AGBL1: variants seen among roughly 807,000 people sequenced by gnomAD.
AGBL1 encodes the protein AGBL carboxypeptidase 1.
A neutral mutation model predicts 118.9 loss-of-function variants in AGBL1; 130 were observed. The observed-to-expected ratio is 1.09, with a 90% CI of 0.95 to 1.26. The LOEUF (loss-of-function observed/expected upper bound fraction) is 1.26, where lower values mean the gene tolerates loss of function less well. Ranked by LOEUF, AGBL1 falls within the 50% of genes most tolerant of loss-of-function variation. The pLI is 0.00. For missense variants in AGBL1, 1,584 were observed against 1,298.1 expected (o/e 1.22, Z -3.38); for synonymous variants, 555 against 478.9 (o/e 1.16, Z -2.08).
chr15:86,712,110 A>AT (rs747155775), intron 22 of AGBL1, among the ~76,000 whole-genome samples: 2 of 152,144 alleles, frequency 1.3e-5, no homozygotes, highest in African/African-American at 4.8e-5. Flanking sequence ...ATAGCCTTTG[A>AT]TTTTTATACT....
At chr15:86,804,478 C>CA (rs574681363) in intron 22 of AGBL1, among the ~76,000 whole-genome samples, 12 of 152,060 alleles carry the variant, frequency 7.9e-5, no homozygotes, top group Middle Eastern at 3.4e-3. Flanking sequence ...AGAAACACAA[C>CA]AAAAAAACCC....
rs559325674 is a variant in AGBL1, at chr15:86,090,302, G to A, written c.51+10279G>A. ...ATATTTTTCTGTAAAGGTAATACCT[G>A]TTCACTATTTGTAAAAAAATTTAAT... On this transcript the variant is annotated intron_variant, in intron 1 of 22. Coordinates refer to ENST00000614907, the MANE Select transcript of AGBL1 (RefSeq NM_001386094.1). 5.3e-4 allele frequency among the ~76,000 whole-genome samples: 80 copies of A among 152,140 alleles called. 1 individual carries two copies. The South Asian group carries it at 5.6e-3, about 11-fold the overall frequency.
downstream of AGBL1, among the ~76,000 whole-genome samples, chr15:87,030,821 T>C (rs1399533940): frequency 6.6e-6 from 1 of 151,938 alleles, no homozygotes; most frequent in East Asian, 1.9e-4. Context: ...TTCCCAATTA[T>C]CAGTGTATTT....
At chr15:86,606,005 T>C (rs1366303394) in intron 21 of AGBL1, among the ~76,000 whole-genome samples, 1 of 151,070 alleles carries the variant, frequency 6.6e-6, no homozygotes, top group Non-Finnish European at 1.5e-5. Flanking sequence ...CAGGCACCTG[T>C]AATCCCAGCT....
chr15:86,484,131 G>C (rs556595950), intron 18 of AGBL1, among the ~76,000 whole-genome samples: 1 of 152,218 alleles, frequency 6.6e-6, no homozygotes, highest in African/African-American at 2.4e-5. Context: ...GCAACATCTG[G>C]CTTGAGCAGC....
chr15:86,146,524 C>T (rs956822493), intron 3 of AGBL1, among the ~76,000 whole-genome samples: 1 of 152,168 alleles, frequency 6.6e-6, no homozygotes, highest in African/African-American at 2.4e-5. Context: ...GAGGATTAAA[C>T]AAAGTATTGC....
chr15:86,262,188 T>C (rs1327646483), intron 9 of AGBL1, among the ~76,000 whole-genome samples: 1 of 149,788 alleles, frequency 6.7e-6, no homozygotes, highest in Non-Finnish European at 1.5e-5. Context: ...CTTAGTAACA[T>C]CATTCTCTTT....
At chr15:86,583,017 TAA>T (rs536768518) in intron 21 of AGBL1, among the ~76,000 whole-genome samples, 1 of 150,926 alleles carries the variant, frequency 6.6e-6, no homozygotes, top group Non-Finnish European at 1.5e-5. Flanking sequence ...ATAATAACAA[TAA>T]AAAAAAGTTA....
chr15:86,892,430 C>A (rs957613226), intron 22 of AGBL1, among the ~76,000 whole-genome samples: 2 of 152,224 alleles, frequency 1.3e-5, no homozygotes, highest in African/African-American at 2.4e-5. Flanking sequence ...GCAGAGTAGA[C>A]CTTATCTATA....
chr15:86,403,321 C>T (rs531361975), intron 18 of AGBL1, among the ~76,000 whole-genome samples: 1 of 152,184 alleles, frequency 6.6e-6, no homozygotes, highest in African/African-American at 2.4e-5. Flanking sequence ...ACTCTAAAAA[C>T]TTGATTATCT....
intron 23 of AGBL1, among the ~76,000 whole-genome samples, chr15:86,945,016 GTAAA>G (rs1490390779): frequency 6.6e-6 from 1 of 152,060 alleles, no homozygotes; most frequent in Non-Finnish European, 1.5e-5. Flanking sequence ...CAATGTCACA[GTAAA>G]TAAATTATAG....
At chr15:86,893,576 G>T (rs535399297) in intron 22 of AGBL1, among the ~76,000 whole-genome samples, 4 of 152,226 alleles carry the variant, frequency 2.6e-5, no homozygotes, top group African/African-American at 7.2e-5. Context: ...ACATCATAAA[G>T]TTGCAAATTG....
chr15:86,692,134 C>T (rs887124065), intron 22 of AGBL1, among the ~76,000 whole-genome samples: 1 of 151,784 alleles, frequency 6.6e-6, no homozygotes, highest in African/African-American at 2.4e-5. Flanking sequence ...GCTGACATTG[C>T]ACCACTGCAC....
chr15:86,742,306 A>G (rs2077692184), intron 22 of AGBL1, among the ~76,000 whole-genome samples: 2 of 152,128 alleles, frequency 1.3e-5, no homozygotes, highest in African/African-American at 4.8e-5. Context: ...AGGAAGATTG[A>G]TTAAAATTAG....
intron 22 of AGBL1, among the ~76,000 whole-genome samples, chr15:86,721,633 A>G (rs1461337859): frequency 6.6e-6 from 1 of 152,134 alleles, no homozygotes; most frequent in Non-Finnish European, 1.5e-5. Flanking sequence ...CCTATTCAAC[A>G]TAGTGTTGGA....
At chr15:87,023,932 C>T (rs1472850957) in intron 24 of AGBL1, among the ~76,000 whole-genome samples, 1 of 151,870 alleles carries the variant, frequency 6.6e-6, no homozygotes, top group Non-Finnish European at 1.5e-5. Flanking sequence ...ATTCTTTGAA[C>T]TGAATGACAA....
chr15:86,678,944 C>T (rs1237007663), intron 22 of AGBL1, among the ~76,000 whole-genome samples: 1 of 151,918 alleles, frequency 6.6e-6, no homozygotes, highest in Non-Finnish European at 1.5e-5. Context: ...GTATTCTGTT[C>T]CATTAGTCTG....
intron 24 of AGBL1, among the ~76,000 whole-genome samples, chr15:87,007,098 G>C (rs564502394): frequency 2.0e-5 from 3 of 152,076 alleles, no homozygotes; most frequent in East Asian, 3.9e-4. Flanking sequence ...TTATAGAAAG[G>C]GTTCAAAAAA....
chr15:86,447,120 G>C (rs1386758800), intron 18 of AGBL1, among the ~76,000 whole-genome samples: 1 of 152,126 alleles, frequency 6.6e-6, no homozygotes, highest in Non-Finnish European at 1.5e-5. Flanking sequence ...ATTGGTTTCA[G>C]CCTAAAAATT....
Sources: allele counts gnomAD v4.1 joint callset (sites outside exome capture counted in the v4.1 genomes callset), GRCh38; gene constraint gnomAD v4.1.1; transcripts MANE v1.5; gene names NCBI Gene and HGNC (gene_info 2026-07-23, HGNC 2026-07-21).